Variants in PRMT2 observed in about 807,000 individuals in gnomAD.
The protein encoded by PRMT2 is protein arginine N-methyltransferase 2.
In PRMT2, 26 loss-of-function variants were observed where a neutral mutation model predicts 57.6. The observed-to-expected ratio is 0.45, with a 90% CI of 0.33 to 0.63. The LOEUF is 0.63. PRMT2 is among the 20% of genes least tolerant of loss of function. PRMT2 has a pLI of 0.02. For missense variants in PRMT2, 472 were observed against 564.4 expected (o/e 0.84, Z 1.66); for synonymous variants, 219 against 220.0 (o/e 1.00, Z 0.04).
At chr21:46,645,809 C>T (rs1433194044) in intron 5 of PRMT2, among the ~76,000 whole-genome samples, 4 of 151,714 alleles carry the variant, frequency 2.6e-5, no homozygotes, top group African/African-American at 7.3e-5. Context: ...CTCTGCCTCC[C>T]GGGTTCAAGC....
In PRMT2 at chr21:46,645,113, T is replaced by A. The variant is rs551526304; in HGVS notation, c.327+625T>A. Among the ~76,000 whole-genome samples the A allele has an allele frequency of 9.6e-5, 11 of 113,996 alleles. No individual in the cohort carries two copies. In the South Asian group the frequency reaches 1.8e-3, roughly 19 times the overall value. The allele number at this position is 113,996 out of a possible 152,430, so 74.8% of individuals were successfully genotyped here. A position where few individuals can be genotyped will look rare whatever the true frequency, so the allele number is the denominator to read the frequency against. On this transcript the variant is annotated intron_variant, in intron 5 of 11. Transcript: ENST00000355680. ...CTACAAAAAAAAAATTAAAAAAAAATATAATTAGCTGGGCATGGTGGTGCA... is the reference window on the plus strand; with the variant it reads ...CTACAAAAAAAAAATTAAAAAAAAAAATAATTAGCTGGGCATGGTGGTGCA...
chr21:46,659,452 C>G, intron 8 of PRMT2: 1 of 985,480 alleles, frequency 1.0e-6, no homozygotes, highest in East Asian at 1.1e-4. Context: ...GCTGTCAGGT[C>G]TTGGAATCAA....
chr21:46,662,208 C>T lies in PRMT2; in HGVS notation c.1097+272C>T, dbSNP rs1051113874. ...ACAACAGCCCCAACGGGAGGAGCTC[C>T]CTGTCTTCCACCCCGCGAGGAGCAC... On this transcript the variant is annotated intron_variant, in intron 10 of 11. Coordinates refer to ENST00000355680, the MANE Select transcript of PRMT2 (RefSeq NM_206962.4). Among the ~76,000 whole-genome samples, 6 of 152,314 alleles carry T rather than the reference C, an allele frequency of 3.9e-5. No homozygotes were observed. In the East Asian group the frequency reaches 7.7e-4, roughly 20 times the overall value.
chr21:46,649,283 G>T lies in PRMT2; in HGVS notation c.490-292G>T, dbSNP rs1297287628. ...AGTTGCTGTGCTGGTCATGGATTAA[G>T]ATTGCTGTGCGTGTGGCAGCCGGCT... On this transcript the variant is annotated intron_variant, in intron 6 of 11. Coordinates refer to ENST00000355680, the MANE Select transcript of PRMT2 (RefSeq NM_206962.4). The surrounding 1 kb of genome is among the most constrained non-coding windows in gnomAD (Gnocchi z 4.8). Among the ~76,000 whole-genome samples the T allele has an allele frequency of 6.6e-6, 1 of 152,236 alleles. No homozygotes were observed. Among genetic ancestry groups the T allele is most frequent in the Non-Finnish European group, 1.5e-5 (1 of 68,042 alleles).
chr21:46,651,728 G>T, intron 7 of PRMT2: 1 of 1,503,608 alleles, frequency 6.7e-7, no homozygotes, highest in Non-Finnish European at 9.1e-7. Context: ...GCACAGGGTT[G>T]GTCGGATTTG....
intron 2 of PRMT2, 72 bp from the exon 3 acceptor site, chr21:46,636,824 T>G (rs566635586): frequency 2.4e-5 from 20 of 838,236 alleles, no homozygotes; most frequent in Non-Finnish European, 3.5e-5. Flanking sequence ...TCATGCACAT[T>G]AGAAGTTAAG....
Position 46,661,947 on chromosome 21 carries a change from G to T in PRMT2, c.1097+11G>T. ...CGGGCCCTTCCACCCGTGAGTGTGC[G>T]GGGCGCGGGCACGGGGTGCGGGGTG... On this transcript the variant is annotated intron_variant, in intron 10 of 11. Transcript: ENST00000355680. The T allele has an allele frequency of 7.7e-7, 1 of 1,303,778 alleles. No individual in the cohort carries two copies. Among genetic ancestry groups the T allele is most frequent in the South Asian group, 2.2e-5 (1 of 45,246 alleles). The allele number at this position is 1,303,778 out of a possible 1,614,324, so 80.8% of individuals were successfully genotyped here.
intron 7 of PRMT2, chr21:46,652,522 T>C: frequency 3.0e-6 from 3 of 985,372 alleles, no homozygotes; most frequent in Non-Finnish European, 3.6e-6. Flanking sequence ...CCACCAACAA[T>C]TTGAAAGTAA....
At position 46,661,923 on chromosome 21, in the gene PRMT2, G is replaced by A; in HGVS notation, c.1084G>A (p.Gly362Arg). 4 of 1,422,684 alleles carry A rather than the reference G, an allele frequency of 2.8e-6. No homozygotes were observed. The highest frequency in any genetic ancestry group is 1.5e-5 in the African/African-American group (1 of 66,620). The allele number at this position is 1,422,684 out of a possible 1,614,324, so 88.1% of individuals were successfully genotyped here. The change falls in exon 10 of 12, where the codon GGG (glycine) becomes AGG (arginine). Residue 362 changes from glycine to arginine, a missense_variant. This residue lies in a region of PRMT2 where 229 missense variants were observed against 217.2 expected (regional missense o/e 1.05). Coordinates refer to ENST00000355680, the MANE Select transcript of PRMT2 (RefSeq NM_206962.4). ...GCAGCCGCCGCAGGTGCTCAGCACC[G>A]GGCCCTTCCACCCGTGAGTGTGCGG... Reference protein sequence around the residue: ...EGQPPQVLSTGPFHPTTHWKQ... With the variant: ...EGQPPQVLSTRPFHPTTHWKQ...
intron 11 of PRMT2, among the ~76,000 whole-genome samples, chr21:46,663,763 A>G (rs1397617614): frequency 2.3e-5 from 3 of 131,894 alleles, no homozygotes; most frequent in Non-Finnish European, 5.4e-5. Context: ...CTGGAAGGGA[A>G]GTCAGGGAAG....
chr21:46,659,026 G>C (rs948975433), intron 8 of PRMT2, 106 bp downstream of exon 8: 1 of 1,470,904 alleles, frequency 6.8e-7, no homozygotes, highest in African/African-American at 1.4e-5. Context: ...TTGGATAAAT[G>C]AGGGTACCTG....
At chr21:46,660,759 G>C in intron 8 of PRMT2, 74 bp from the exon 9 acceptor site, 1 of 1,549,284 alleles carries the variant, frequency 6.5e-7, no homozygotes, top group Non-Finnish European at 8.8e-7. Context: ...CACTCACCGC[G>C]GTCCCACGTG....
At position 46,661,132 on chromosome 21, in the gene PRMT2, T is replaced by TCC. The variant is rs2061613613; in HGVS notation, c.960+170_960+171insCC. On this transcript the variant is annotated intron_variant, in intron 9 of 11. Transcript: ENST00000355680. ...TTATAAAACGTTTGCTACTGATTTT[T>TCC]TCCAGTCTTTTTTCTTTTTTACGTT... The TCC allele has an allele frequency of 4.6e-6, 3 of 649,962 alleles. No homozygotes were observed. In the East Asian group the frequency reaches 9.8e-5, roughly 21 times the overall value. 40.3% of individuals were successfully genotyped at this position (649,962 alleles called of 1,614,324 possible).
intron 3 of PRMT2, among the ~76,000 whole-genome samples, chr21:46,640,438 A>ATTTTTTT: frequency 8.6e-6 from 1 of 116,466 alleles, no homozygotes; most frequent in East Asian, 2.3e-4. Flanking sequence ...TTTTGCCTAC[A>ATTTTTTT]TTTTTTTTTT....
intron 5 of PRMT2, among the ~76,000 whole-genome samples, chr21:46,644,877 T>A (rs779890938): frequency 2.0e-5 from 3 of 152,110 alleles, no homozygotes; most frequent in Non-Finnish European, 4.4e-5. Context: ...GAGATATGAT[T>A]TGAGCAATGA....
intron 4 of PRMT2, 35 bp downstream of exon 4, chr21:46,643,674 T>C (rs771224075): frequency 1.3e-6 from 2 of 1,563,638 alleles, no homozygotes; most frequent in African/African-American, 1.4e-5. Flanking sequence ...TTTATGGCTT[T>C]CAGCATGTTC....
At chr21:46,660,120 TTA>T in intron 8 of PRMT2, 1 of 972,148 alleles carries the variant, frequency 1.0e-6, no homozygotes, top group Non-Finnish European at 1.2e-6. Flanking sequence ...GGAATCTTTA[TTA>T]AAACATTCAC....
intron 7 of PRMT2, chr21:46,653,404 G>A: frequency 2.0e-6 from 2 of 985,400 alleles, no homozygotes; most frequent in Non-Finnish European, 2.4e-6. Flanking sequence ...AATGTGTGGT[G>A]TAGATGATGG....
At chr21:46,658,465 CAA>C (rs1392019600) in intron 7 of PRMT2, 3 of 370,038 alleles carry the variant, frequency 8.1e-6, no homozygotes, top group Non-Finnish European at 1.4e-5. Flanking sequence ...TGAGATGGGA[CAA>C]GAGTGAAGAT....
Sources: gnomAD v4.1 joint callset for allele counts (sites outside exome capture counted in the v4.1 genomes callset) on GRCh38, gnomAD v4.1.1 for gene constraint, gnomAD v4.1.1 regional missense constraint, Gnocchi (gnomAD v3.1) non-coding constraint, MANE v1.5 for transcripts, NCBI Gene and HGNC (gene_info 2026-07-23, HGNC 2026-07-21) for gene names.